NOTUM: variants seen among roughly 807,000 people sequenced by gnomAD.
NOTUM encodes the protein notum, palmitoleoyl-protein carboxylesterase.
Under a neutral mutation model 65.5 loss-of-function variants are expected in NOTUM, and 36 were observed. That is an observed-to-expected ratio of 0.55 (90% CI 0.42 to 0.73). The LOEUF (loss-of-function observed/expected upper bound fraction) is 0.73, where lower values mean the gene tolerates loss of function less well. Among genes scored for constraint, NOTUM ranks in the 30% least tolerant of loss-of-function variants. The pLI is 0.00. For missense variants in NOTUM, 659 were observed against 694.2 expected (o/e 0.95, Z 0.57); for synonymous variants, 356 against 297.9 (o/e 1.20, Z -2.01).
chr17:81,957,516 C>T (rs1277143985), intron 6 of NOTUM, among the ~76,000 whole-genome samples: 2 of 152,126 alleles, frequency 1.3e-5, no homozygotes, highest in African/African-American at 2.4e-5. Context: ...CCCTAACCAA[C>T]GACTTAGGTC....
rs773287658 is a variant in NOTUM at position 81,953,319 on chromosome 17, C to T, written c.1185-52G>A. 12 of 1,211,602 alleles carry T rather than the reference C, an allele frequency of 9.9e-6. No homozygotes were observed. In the South Asian group the frequency reaches 1.3e-4, roughly 13 times the overall value. 75.1% of individuals were successfully genotyped at this position (1,211,602 alleles called of 1,614,324 possible). ...TCACATGTGCGGAGTGGCATCAACA[C>T]TGAGGCAGCTGTTTTTTTTTTTGAG... On this transcript the variant is annotated intron_variant, in intron 10 of 10. Transcript: ENST00000409678.
rs763866532 is a variant in NOTUM at position 81,953,114 on chromosome 17, G to A, written c.1338C>T (p.Asn446=). 2.5e-6 allele frequency: 4 copies of A among 1,613,674 alleles called. No homozygotes were observed. In the East Asian group the frequency reaches 8.9e-5, roughly 36 times the overall value. ...GGTCTCGGACGGTGGGGCATGAGGG[G>A]TTGCAGTGGGGCCAGGGGCAGCTGT... The part of the protein sequence containing the change: ...LVDSCPWPHC[N]PSCPTVRDQF... The change falls in exon 11 of 11, where the codon AAC becomes AAT. Residue 446 remains asparagine, a synonymous_variant. Coordinates refer to ENST00000409678, the MANE Select transcript of NOTUM (RefSeq NM_178493.6).
At chr17:81,959,100 G>A (rs1598369185) in intron 3 of NOTUM, 105 bp from the exon 4 acceptor site, 4 of 975,696 alleles carry the variant, frequency 4.1e-6, no homozygotes, top group East Asian at 2.4e-5. Context: ...CCCCAGGAAG[G>A]GAGGTGTGCT....
chr17:81,959,624 T>A lies in NOTUM; in HGVS notation c.376+16A>T. ...CACAGACCCCCGGCCTCCCCCCGCC[T>A]CAGCCCTGGACGCACCTTCCAGGAA... On this transcript the variant is annotated intron_variant, in intron 2 of 10. Transcript: ENST00000409678. 1 of 1,545,366 alleles carries A rather than the reference T, an allele frequency of 6.5e-7. No individual in the cohort carries two copies. Among genetic ancestry groups the A allele is most frequent in the Non-Finnish European group, 8.7e-7 (1 of 1,145,030 alleles).
At chr17:81,956,588 C>T (rs958415921) in intron 8 of NOTUM, 62 bp downstream of exon 8, 4 of 1,188,096 alleles carry the variant, frequency 3.4e-6, no homozygotes, top group Admixed American at 3.8e-5. Context: ...GCTGGATTTT[C>T]AGAAGCAAGG....
intron 4 of NOTUM, among the ~76,000 whole-genome samples, 192 bp from the exon 5 acceptor site, chr17:81,958,585 C>T (rs1469580782): frequency 6.6e-6 from 1 of 151,358 alleles, no homozygotes; most frequent in African/African-American, 2.5e-5. Context: ...CAACCCAGGA[C>T]AGGACCCTTT....
chr17:81,960,847 C>A lies in NOTUM; in HGVS notation c.63G>T (p.Glu21Asp), dbSNP rs141439703. ...LSLLHCAGGS[E>D]GRKTWRRRGQ... ...CCCGGCGCCGCCAGGTCTTCCTGCC[C>A]TCGCTGCCCCCGGCGCAGTGCAGCA... The change falls in exon 1 of 11, where the codon GAG (glutamate) becomes GAT (aspartate). Residue 21 changes from glutamate to aspartate, a missense_variant. By Grantham distance (45) the Glu-to-Asp change is conservative. Transcript: ENST00000409678. The surrounding 1 kb of genome is among the most constrained non-coding windows in gnomAD (Gnocchi z 6.4). 1 of 1,498,952 alleles carries A rather than the reference C, an allele frequency of 6.7e-7. No homozygotes were observed. Among genetic ancestry groups the A allele is most frequent in the Non-Finnish European group, 8.9e-7 (1 of 1,128,202 alleles). 92.9% of individuals were successfully genotyped at this position (1,498,952 alleles called of 1,614,324 possible). A position where few individuals can be genotyped will look rare whatever the true frequency, so the allele number is the denominator to read the frequency against.
intron 10 of NOTUM, among the ~76,000 whole-genome samples, chr17:81,953,629 G>C (rs891177276): frequency 6.6e-6 from 1 of 151,376 alleles, no homozygotes; most frequent in Admixed American, 6.6e-5. Context: ...TTTGAGACAA[G>C]GTCTCCCTCT....
chr17:81,953,240 C>A lies in NOTUM; in HGVS notation c.1212G>T (p.Gly404=). The A allele has an allele frequency of 6.2e-7, 1 of 1,610,988 alleles. No homozygotes were observed. Among genetic ancestry groups the A allele is most frequent in the Non-Finnish European group, 8.5e-7 (1 of 1,179,294 alleles). The change falls in exon 11 of 11, where the codon GGG becomes GGT. Residue 404 remains glycine, a synonymous_variant. Coordinates refer to ENST00000409678, the MANE Select transcript of NOTUM (RefSeq NM_178493.6). ...RSHWTDVQVK[G]TSLPRALHCW... ...AGTGCAGTGCTCGGGGCAGCGACGT[C>A]CCCTTCACCTGGACATCCGTCCAGT...
chr17:81,958,824 A>C, intron 4 of NOTUM, 111 bp downstream of exon 4: 1 of 818,186 alleles, frequency 1.2e-6, no homozygotes, highest in Non-Finnish European at 2.1e-6. Flanking sequence ...AACCATCCAG[A>C]ACAGGACCCC....
chr17:81,960,541 C>G lies in NOTUM; in HGVS notation c.323+46G>C. 1 of 1,329,574 alleles carries G rather than the reference C, an allele frequency of 7.5e-7. No individual in the cohort carries two copies. Among genetic ancestry groups the G allele is most frequent in the South Asian group, 1.5e-5 (1 of 66,674 alleles). The allele number at this position is 1,329,574 out of a possible 1,614,324, so 82.4% of individuals were successfully genotyped here. A position where few individuals can be genotyped will look rare whatever the true frequency, so the allele number is the denominator to read the frequency against. On this transcript the variant is annotated intron_variant, in intron 1 of 10. Coordinates refer to ENST00000409678, the MANE Select transcript of NOTUM (RefSeq NM_178493.6). The surrounding 1 kb of genome is among the most constrained non-coding windows in gnomAD (Gnocchi z 6.4). ...CCCGCAGGGAAGGTCCAGCCGGAGA[C>G]CGGGCGCGTCGGGCGGGGCGGGGAG...
At chr17:81,953,801 T>TG (rs2041406958) in intron 10 of NOTUM, among the ~76,000 whole-genome samples, 1 of 148,278 alleles carries the variant, frequency 6.7e-6, no homozygotes. Flanking sequence ...TTTTTTGAGA[T>TG]GGAGTTTCAC....
rs752697929 is a variant in NOTUM, at chr17:81,960,944, AGGC to A, written c.-38_-36del. 1.1e-3 allele frequency: 1,339 copies of A among 1,165,616 alleles called. 1 individual carries two copies. Among genetic ancestry groups the A allele is most frequent in the African/African-American group, 3.9e-3 (238 of 61,662 alleles). The allele number at this position is 1,165,616 out of a possible 1,614,324, so 72.2% of individuals were successfully genotyped here. On this transcript the variant is annotated 5_prime_UTR_variant, in exon 1 of 11. Coordinates refer to ENST00000409678, the MANE Select transcript of NOTUM (RefSeq NM_178493.6). This position sits in a 1 kb window ranked among gnomAD's most constrained non-coding sequence, Gnocchi z 6.4. ...CACCTGCGGGGAGCGGGCGGCCTTG[AGGC>A]GGCGGCGGCGGCGGCGGGGGATGCC...
chr17:81,959,796 G>A, intron 1 of NOTUM, 104 bp from the exon 2 acceptor site: 2 of 606,604 alleles, frequency 3.3e-6, no homozygotes, highest in Non-Finnish European at 4.7e-6. Context: ...TTCCGGCCGC[G>A]CGCGACGGTC....
intron 7 of NOTUM, 57 bp downstream of exon 7, chr17:81,956,826 C>T: frequency 9.4e-6 from 15 of 1,595,198 alleles, no homozygotes; most frequent in Non-Finnish European, 1.3e-5. Flanking sequence ...GCCACTCCAC[C>T]CAGGCCCTTC....
Position 81,960,394 on chromosome 17 carries a change from C to G in NOTUM, c.323+193G>C, listed in dbSNP as rs967572993. Among the ~76,000 whole-genome samples the G allele has an allele frequency of 3.9e-5, 6 of 152,204 alleles. No homozygotes were observed. The highest frequency in any genetic ancestry group is 1.4e-4 in the African/African-American group (6 of 41,464). On this transcript the variant is annotated intron_variant, in intron 1 of 10. Coordinates refer to ENST00000409678, the MANE Select transcript of NOTUM (RefSeq NM_178493.6). The surrounding 1 kb of genome is among the most constrained non-coding windows in gnomAD (Gnocchi z 6.4). ...GGTCAGTGCCCGAGCTGGCCGGGGA[C>G]CAGCCCTTCCAGCGCCGCTCCGCTC...
At position 81,956,947 on chromosome 17, in the gene NOTUM, G is replaced by A. The variant is rs1312771441; in HGVS notation, c.823C>T (p.Arg275Cys). 9.9e-6 allele frequency: 16 copies of A among 1,613,308 alleles called. No homozygotes were observed. The highest frequency in any genetic ancestry group is 1.4e-5 in the Non-Finnish European group (16 of 1,179,924). The change falls in exon 7 of 11, where the codon CGC becomes TGC. Residue 275 changes from arginine to cysteine, a missense_variant. Arg to Cys is a radical substitution (Grantham distance 180). Coordinates refer to ENST00000409678, the MANE Select transcript of NOTUM (RefSeq NM_178493.6). ...ATCGTGTCGACGCAGTCTGTGTGGC[G>A]ATACTGCTTGTTGTCCAGGAACCAG... ...SGWFLDNKQYRHTDCVDTITC... is the reference protein window; with the variant it reads ...SGWFLDNKQYCHTDCVDTITC...
At chr17:81,959,149 A>T (rs111342243) in intron 3 of NOTUM, 154 bp from the exon 4 acceptor site, 1 of 684,950 alleles carries the variant, frequency 1.5e-6, no homozygotes, top group African/African-American at 1.8e-5. Context: ...GGGAAAGTGG[A>T]GGACAGTTGG....
rs1352587610 is a variant in NOTUM, at chr17:81,959,647, G to A, written c.369C>T (p.Phe123=). The A allele has an allele frequency of 1.9e-6, 3 of 1,544,424 alleles. No individual in the cohort carries two copies. Among genetic ancestry groups the A allele is most frequent in the South Asian group, 1.2e-5 (1 of 83,618 alleles). The change falls in exon 2 of 11, where the codon TTC becomes TTT. Residue 123 remains phenylalanine, a synonymous_variant. Coordinates refer to ENST00000409678, the MANE Select transcript of NOTUM (RefSeq NM_178493.6). The part of the protein sequence containing the change: ...ESRGSRRWLL[F]LEGGWYCFNR... ...CCTCAGCCCTGGACGCACCTTCCAG[G>A]AAGAGGAGCCACCGCCGGCTGCCCC... is the stretch of plus-strand genomic sequence containing the variant.
Sources: allele counts gnomAD v4.1 joint callset (sites outside exome capture counted in the v4.1 genomes callset), GRCh38; gene constraint gnomAD v4.1.1; non-coding constraint Gnocchi (gnomAD v3.1); transcripts MANE v1.5; gene names NCBI Gene and HGNC (gene_info 2026-07-23, HGNC 2026-07-21).